The following TMEM14A variants were observed in gnomAD, a reference collection of about 807,000 sequenced individuals.
TMEM14A encodes the protein transmembrane protein 14A.
A neutral mutation model predicts 11.6 loss-of-function variants in TMEM14A; 8 were observed. The observed-to-expected ratio is 0.69, with a 90% CI of 0.40 to 1.24. The LOEUF (loss-of-function observed/expected upper bound fraction) is 1.24. Ranked by LOEUF, TMEM14A falls within the 50% of genes most tolerant of loss-of-function variation. TMEM14A has a pLI of 0.01. For missense variants in TMEM14A, 108 were observed against 121.9 expected, an observed-to-expected ratio of 0.89 and a Z score of 0.54; for synonymous variants, 34 against 45.5, an observed-to-expected ratio of 0.75 and a Z score of 1.02.
intron 4 of TMEM14A, among the ~76,000 whole-genome samples, 191 bp downstream of exon 4, chr6:52,684,356 A>G (rs555221781): frequency 6.6e-6 from 1 of 152,320 alleles, no homozygotes; most frequent in African/African-American, 2.4e-5. Context: ...TTCTTATTGG[A>G]TACGCATAGT....
At chr6:52,680,603 A>ATATG in intron 2 of TMEM14A, among the ~76,000 whole-genome samples, 1 of 121,734 alleles carries the variant, frequency 8.2e-6, no homozygotes, top group Non-Finnish European at 1.7e-5. Context: ...TTATATATAT[A>ATATG]TATATATATG....
At chr6:52,680,669 GTATATATATATATACATATATGTA>G (rs1292202822) in intron 2 of TMEM14A, among the ~76,000 whole-genome samples, 1,683 of 35,960 alleles carry the variant, frequency 0.047, 234 homozygotes, top group African/African-American at 0.12. Flanking sequence ...ATATATATGT[GTATATATATATATACATATATGTA>G]TATATATATA....
chr6:52,684,069 G>A lies in TMEM14A; in HGVS notation c.173-9G>A. 1 of 1,610,930 alleles carries A rather than the reference G, an allele frequency of 6.2e-7. No individual in the cohort carries two copies. Among genetic ancestry groups the A allele is most frequent in the African/African-American group, 1.3e-5 (1 of 74,860 alleles). ...GAAACTCTGGTTCATGAATTAGTTTGGTTTTCAGTTACAGCTTTCTTCCTG... is the reference window on the plus strand; with the variant it reads ...GAAACTCTGGTTCATGAATTAGTTTAGTTTTCAGTTACAGCTTTCTTCCTG... On this transcript the variant is annotated splice_polypyrimidine_tract_variant and intron_variant, in intron 3 of 4. Coordinates refer to ENST00000211314, the MANE Select transcript of TMEM14A (RefSeq NM_014051.4).
chr6:52,683,486 A>AACAACAAC (rs1561876054), intron 3 of TMEM14A, among the ~76,000 whole-genome samples: 1 of 98,062 alleles, frequency 1.0e-5, no homozygotes, highest in African/African-American at 4.1e-5. Context: ...ACAACAACAA[A>AACAACAAC]AAAAAAAAAA....
intron 1 of TMEM14A, among the ~76,000 whole-genome samples, chr6:52,673,027 C>T (rs578230844): frequency 6.6e-6 from 1 of 152,336 alleles, no homozygotes; most frequent in South Asian, 2.1e-4. Context: ...AAGCCCCTTG[C>T]ACTTTTCATT....
intron 2 of TMEM14A, among the ~76,000 whole-genome samples, chr6:52,681,460 A>G (rs958887143): frequency 2.6e-5 from 4 of 152,218 alleles, no homozygotes; most frequent in African/African-American, 9.7e-5. Flanking sequence ...GGCAAAGAGA[A>G]TAGGAAAAAT....
chr6:52,674,892 T>C (rs58920176), intron 1 of TMEM14A, among the ~76,000 whole-genome samples: 211 of 18,106 alleles, frequency 0.012, 8 homozygotes, highest in Middle Eastern at 0.022. Context: ...TCTTCTTCTT[T>C]TTTTTTTTTT....
At chr6:52,680,649 A>ATG (rs371258251) in intron 2 of TMEM14A, among the ~76,000 whole-genome samples, 1 of 48,350 alleles carries the variant, frequency 2.1e-5, no homozygotes, top group Non-Finnish European at 5.4e-5. Context: ...GTGTATATAT[A>ATG]TGTGTGTGTA....
intron 2 of TMEM14A, among the ~76,000 whole-genome samples, chr6:52,680,914 GTGTT>G (rs888955464): frequency 2.0e-5 from 3 of 150,184 alleles, no homozygotes; most frequent in African/African-American, 7.3e-5. Context: ...TTGTGTTTGT[GTGTT>G]TGTGTGTGTG....
intron 2 of TMEM14A, among the ~76,000 whole-genome samples, chr6:52,680,800 G>A (rs1031082389): frequency 1.4e-4 from 20 of 147,268 alleles, no homozygotes; most frequent in Admixed American, 1.2e-3. Flanking sequence ...TAGCCAGCAA[G>A]TGAAAGAATT....
chr6:52,676,580 G>T (rs969881674), intron 1 of TMEM14A, among the ~76,000 whole-genome samples: 3 of 152,128 alleles, frequency 2.0e-5, no homozygotes, highest in Non-Finnish European at 4.4e-5. Flanking sequence ...GTAGACTAGA[G>T]AAATTAATTT....
At chr6:52,671,389 G>A (rs1769158114) in intron 1 of TMEM14A, 144 bp downstream of exon 1, 1 of 152,176 alleles carries the variant, frequency 6.6e-6, no homozygotes, top group Non-Finnish European at 1.5e-5. Flanking sequence ...GACCTTGAGG[G>A]GATTTTGCAG....
At chr6:52,680,704 T>TACATATATGTATATATATACAC in intron 2 of TMEM14A, among the ~76,000 whole-genome samples, 1 of 51,102 alleles carries the variant, frequency 2.0e-5, no homozygotes, top group Non-Finnish European at 4.4e-5. Flanking sequence ...TATATATATA[T>TACATATATGTATATATATACAC]ACACATATAT....
chr6:52,673,809 A>G (rs6909398), intron 1 of TMEM14A, among the ~76,000 whole-genome samples: 94,287 of 151,670 alleles, frequency 0.62, 30,776 homozygotes, highest in Non-Finnish European at 0.75. Context: ...AGTCGAATTG[A>G]CTACAAATAT....
chr6:52,676,352 A>C (rs1769257898), intron 1 of TMEM14A, among the ~76,000 whole-genome samples: 1 of 152,136 alleles, frequency 6.6e-6, no homozygotes, highest in South Asian at 2.1e-4. Context: ...TCCAGGGCTC[A>C]AGCAATCCTC....
At position 52,680,697 on chromosome 6, in the gene TMEM14A, A is replaced by ACATATATGTG. The variant is rs1554137477; in HGVS notation, c.71-1116_71-1115insCATATATGTG. Among the ~76,000 whole-genome samples the ACATATATGTG allele has an allele frequency of 2.3e-4, 21 of 92,238 alleles. 3 individuals are homozygous for ACATATATGTG. Among genetic ancestry groups the ACATATATGTG allele is most frequent in the African/African-American group, 7.4e-4 (20 of 27,154 alleles). 60.5% of individuals were successfully genotyped at this position (92,238 alleles called of 152,430 possible). ...TATATATATATACATATATGTATAT[A>ACATATATGTG]TATATATACACATATATATATGGCA... On this transcript the variant is annotated intron_variant, in intron 2 of 4. Transcript: ENST00000211314.
chr6:52,686,078 A>C lies in TMEM14A; in HGVS notation c.*29A>C, dbSNP rs1308792046. On this transcript the variant is annotated 3_prime_UTR_variant, in exon 5 of 5. Coordinates refer to ENST00000211314, the MANE Select transcript of TMEM14A (RefSeq NM_014051.4). ...TCTGGAGGAACAGAAAACTAAGTTC[A>C]TGTCATCCTGCTGTAATGGGCAGAG... 6.2e-7 allele frequency: 1 copy of C among 1,603,884 alleles called. No homozygotes were observed. The highest frequency in any genetic ancestry group is 8.5e-7 in the Non-Finnish European group (1 of 1,174,826).
chr6:52,683,483 C>CAAAA (rs71799754), intron 3 of TMEM14A, among the ~76,000 whole-genome samples: 1 of 130,870 alleles, frequency 7.6e-6, no homozygotes, highest in Non-Finnish European at 1.6e-5. Context: ...ACAACAACAA[C>CAAAA]AAAAAAAAAA....
At chr6:52,683,011 G>T (rs1332383911) in intron 3 of TMEM14A, among the ~76,000 whole-genome samples, 1 of 151,942 alleles carries the variant, frequency 6.6e-6, no homozygotes, top group Admixed American at 6.5e-5. Flanking sequence ...ACTTGTAAAA[G>T]ATACATTAAC....
Sources: allele counts gnomAD v4.1 joint callset (sites outside exome capture counted in the v4.1 genomes callset), GRCh38; gene constraint gnomAD v4.1.1; transcripts MANE v1.5; gene names NCBI Gene and HGNC (gene_info 2026-07-23, HGNC 2026-07-21).